The following RASGRF1 variants were observed in gnomAD, a reference collection of about 807,000 sequenced individuals.
RASGRF1 encodes the protein Ras protein specific guanine nucleotide releasing factor 1, also known as ras-specific guanine nucleotide-releasing factor 1.
RASGRF1 carries 40 observed loss-of-function variants against 138.7 expected under a neutral mutation model. The ratio of observed to expected loss-of-function variants is 0.29; its 90% CI spans 0.22 to 0.38. The LOEUF (loss-of-function observed/expected upper bound fraction) is 0.38. Among genes scored for constraint, RASGRF1 ranks in the 10% least tolerant of loss-of-function variants. RASGRF1 has a pLI of 1.00. For missense variants in RASGRF1, 1,108 were observed against 1,650.4 expected (o/e 0.67, Z 5.69); for synonymous variants, 614 against 663.2 (o/e 0.93, Z 1.14).
intron 3 of RASGRF1, among the ~76,000 whole-genome samples, chr15:79,054,426 G>T (rs76854354): frequency 2.4e-4 from 36 of 152,338 alleles, no homozygotes; most frequent in Non-Finnish European, 4.6e-4. Flanking sequence ...ACTGAAGGAG[G>T]AGCCTCCTCT....
chr15:79,020,184 G>A (rs2056940831), intron 10 of RASGRF1, 80 bp from the exon 11 acceptor site: 4 of 1,368,860 alleles, frequency 2.9e-6, no homozygotes, highest in South Asian at 1.2e-5. Flanking sequence ...TAGGGTTGGA[G>A]GGGACTTTAA....
chr15:79,053,196 C>T (rs1213304773), intron 3 of RASGRF1, among the ~76,000 whole-genome samples: 1 of 151,926 alleles, frequency 6.6e-6, no homozygotes, highest in Non-Finnish European at 1.5e-5. Flanking sequence ...ACCTGGGAGG[C>T]AGAGGTTGCA....
intron 13 of RASGRF1, among the ~76,000 whole-genome samples, chr15:79,009,642 T>C (rs1439461849): frequency 1.3e-5 from 2 of 152,020 alleles, no homozygotes; most frequent in East Asian, 3.9e-4. Context: ...CATTCTCTAC[T>C]CCTTCCTTTT....
rs914526967 is a variant in RASGRF1, at chr15:78,962,324, A to G, written c.3682-88T>C. ...GATGCACTTTATCTCCTAGGGCCCAAGCCTCTTACTGTGGAGAGTCAGGTG... is the reference window on the plus strand; with the variant it reads ...GATGCACTTTATCTCCTAGGGCCCAGGCCTCTTACTGTGGAGAGTCAGGTG... On this transcript the variant is annotated intron_variant, in intron 26 of 26. Transcript: ENST00000558480. The G allele has an allele frequency of 7.3e-6, 7 of 959,628 alleles. No homozygotes were observed. In the African/African-American group the frequency reaches 1.1e-4, roughly 16 times the overall value. The allele number at this position is 959,628 out of a possible 1,614,324, so 59.4% of individuals were successfully genotyped here. A position where few individuals can be genotyped will look rare whatever the true frequency, so the allele number is the denominator to read the frequency against.
chr15:78,998,221 T>G lies in RASGRF1; in HGVS notation c.2854-13A>C. The G allele has an allele frequency of 1.2e-6, 2 of 1,604,548 alleles. No individual in the cohort carries two copies. Among genetic ancestry groups the G allele is most frequent in the Non-Finnish European group, 1.7e-6 (2 of 1,171,382 alleles). On this transcript the variant is annotated splice_polypyrimidine_tract_variant and intron_variant, in intron 18 of 26. Coordinates refer to ENST00000558480, the MANE Select transcript of RASGRF1 (RefSeq NM_001145648.3). ...TGGTCTCAAAGTCCTGCCGGGAAGG[T>G]GTGATGGGTGGCTCTGGTTACTGTT...
At chr15:78,980,440 C>T (rs1165231431) in intron 24 of RASGRF1, 180 bp downstream of exon 24, 6 of 468,772 alleles carry the variant, frequency 1.3e-5, no homozygotes, top group Non-Finnish European at 2.3e-5. Context: ...TCTGGAGTTT[C>T]TCTGGCAGAC....
At chr15:79,036,428 C>T (rs765528969) in intron 5 of RASGRF1, among the ~76,000 whole-genome samples, 1 of 152,202 alleles carries the variant, frequency 6.6e-6, no homozygotes, top group Non-Finnish European at 1.5e-5. Context: ...CTCCCTCCCG[C>T]CTCTGTTTCT....
At chr15:78,981,462 A>G (rs185025855) in intron 23 of RASGRF1, 2 of 152,346 alleles carry the variant, frequency 1.3e-5, no homozygotes, top group Admixed American at 1.3e-4. Context: ...CTGTTCCTCA[A>G]GATTCAGAAT....
At chr15:78,984,019 G>A (rs2056094054) in intron 23 of RASGRF1, among the ~76,000 whole-genome samples, 2 of 152,168 alleles carry the variant, frequency 1.3e-5, no homozygotes, top group Non-Finnish European at 2.9e-5. Context: ...CTGCTAAGTA[G>A]GGAGGATTAT....
At chr15:79,019,823 G>A (rs2056933159) in intron 11 of RASGRF1, among the ~76,000 whole-genome samples, 2 of 152,174 alleles carry the variant, frequency 1.3e-5, no homozygotes, top group Admixed American at 6.5e-5. Context: ...CTCAGGCTCT[G>A]GCCTCTCCAC....
In RASGRF1 at chr15:78,995,790, G is replaced by C; in HGVS notation, c.2977C>G (p.Gln993Glu). 1 of 1,614,136 alleles carries C rather than the reference G, an allele frequency of 6.2e-7. No individual in the cohort carries two copies. Among genetic ancestry groups the C allele is most frequent in the Non-Finnish European group, 8.5e-7 (1 of 1,180,024 alleles). Residue 993 changes from glutamine (Q) to glutamate (E), a missense_variant, in exon 20 of 27, where the codon CAG becomes GAG. Gln to Glu is a conservative substitution (Grantham distance 29, BLOSUM62 2). Transcript: ENST00000558480. The stretch of plus-strand genomic sequence containing the variant: ...ATCTGGTTGTCACCTGGGTCCTCCT[G>C]GGTCAGAGTCCTAGGCAGGAGCGAG... ...AAANIIRTLTQEDPGDNQITL... is the reference protein window; with the variant it reads ...AAANIIRTLTEEDPGDNQITL...
intron 22 of RASGRF1, chr15:78,985,499 G>A: frequency 7.8e-6 from 2 of 256,752 alleles, no homozygotes; most frequent in South Asian, 7.9e-5. Flanking sequence ...TATGTAGGAT[G>A]GAAAAAACAG....
chr15:79,001,086 G>T (rs28593637), intron 16 of RASGRF1, among the ~76,000 whole-genome samples: 1 of 152,300 alleles, frequency 6.6e-6, no homozygotes, highest in African/African-American at 2.4e-5. Context: ...TGCTTCTCAA[G>T]GATCCTTCAG....
Position 79,054,267 on chromosome 15 carries a change from G to A in RASGRF1, c.531+4067C>T, listed in dbSNP as rs942201964. On this transcript the variant is annotated intron_variant, in intron 3 of 26. Coordinates refer to ENST00000558480, the MANE Select transcript of RASGRF1 (RefSeq NM_001145648.3). ...AGGAGAGAAGTCAGTGTTTAAAGGG[G>A]AGGTTGGTGAAGGATGGTTGTGGCA... 2.6e-5 allele frequency among the ~76,000 whole-genome samples: 4 copies of A among 152,344 alleles called. No individual in the cohort carries two copies. The East Asian group carries it at 5.8e-4, about 22-fold the overall frequency.
At chr15:79,003,536 G>A (rs372208772) in intron 15 of RASGRF1, among the ~76,000 whole-genome samples, 4 of 152,238 alleles carry the variant, frequency 2.6e-5, no homozygotes, top group African/African-American at 4.8e-5. Context: ...TAAATTGCTC[G>A]TGATGGGAAC....
chr15:79,064,649 G>C, intron 1 of RASGRF1, 123 bp from the exon 2 acceptor site: 1 of 888,180 alleles, frequency 1.1e-6, no homozygotes, highest in South Asian at 1.4e-5. Flanking sequence ...CAGATTCCTT[G>C]TTTGTGATAA....
intron 22 of RASGRF1, among the ~76,000 whole-genome samples, chr15:78,987,369 C>T (rs1472823289): frequency 6.6e-6 from 1 of 152,072 alleles, no homozygotes; most frequent in African/African-American, 2.4e-5. Context: ...AAACATCATT[C>T]CACATGGGGA....
intron 1 of RASGRF1, among the ~76,000 whole-genome samples, chr15:79,070,172 G>T (rs2141075913): frequency 6.6e-6 from 1 of 152,280 alleles, no homozygotes; most frequent in Admixed American, 6.5e-5. Context: ...GTTGGGTCTG[G>T]GATATGCTTG....
chr15:79,025,271 C>A (rs201417609), intron 10 of RASGRF1, 43 bp downstream of exon 10: 1 of 1,544,574 alleles, frequency 6.5e-7, no homozygotes. Flanking sequence ...GCCTGCATGA[C>A]CCTAGCTGGG....
Sources: gnomAD v4.1 joint callset for allele counts (sites outside exome capture counted in the v4.1 genomes callset) on GRCh38, gnomAD v4.1.1 for gene constraint, MANE v1.5 for transcripts, NCBI Gene and HGNC (gene_info 2026-07-23, HGNC 2026-07-21) for gene names.